The following CNTN4 variants were observed in gnomAD, a reference collection of about 807,000 sequenced individuals.
The protein encoded by CNTN4 is contactin-4.
Under a neutral mutation model 122.5 loss-of-function variants are expected in CNTN4, and 77 were observed. The observed-to-expected ratio is 0.63, with a 90% confidence interval of 0.52 to 0.76. The LOEUF is 0.76. CNTN4 is among the 30% of genes least tolerant of loss of function. The probability of loss-of-function intolerance (pLI) is 0.00; values close to 1 mark genes in which losing one functional copy is unlikely to be tolerated. For missense variants in CNTN4, 1,256 were observed against 1,259.1 expected, an observed-to-expected ratio of 1.00 and a Z score of 0.04; for synonymous variants, 512 against 447.0, an observed-to-expected ratio of 1.15 and a Z score of -1.83.
intron 3 of CNTN4, among the ~76,000 whole-genome samples, chr3:2,507,665 G>A (rs1221499248): frequency 3.3e-5 from 5 of 151,178 alleles, no homozygotes; most frequent in Admixed American, 3.3e-4. Flanking sequence ...AACCCAGGAG[G>A]CGGAGGTTGC....
intron 3 of CNTN4, among the ~76,000 whole-genome samples, chr3:2,440,778 GTACATATATATTCA>G (rs1278189752): frequency 1.4e-5 from 2 of 147,648 alleles, no homozygotes; most frequent in East Asian, 2.0e-4. Flanking sequence ...ACACATATTT[GTACATATATATTCA>G]TACATATATA....
chr3:2,550,896 A>G (rs1172229309), intron 3 of CNTN4, among the ~76,000 whole-genome samples: 1 of 152,124 alleles, frequency 6.6e-6, no homozygotes, highest in Non-Finnish European at 1.5e-5. Flanking sequence ...TGGGAGTTGA[A>G]CAATGAGAAC....
chr3:2,727,022 C>CTA (rs2088278080), intron 4 of CNTN4, among the ~76,000 whole-genome samples: 1 of 152,128 alleles, frequency 6.6e-6, no homozygotes, highest in Non-Finnish European at 1.5e-5. Flanking sequence ...ATGAAGTTAG[C>CTA]TATAACTATT....
intron 4 of CNTN4, among the ~76,000 whole-genome samples, chr3:2,610,600 G>A (rs924097670): frequency 6.6e-6 from 1 of 152,164 alleles, no homozygotes; most frequent in Admixed American, 6.5e-5. Flanking sequence ...CATTATGGGG[G>A]TGGGTTAATG....
At chr3:2,806,508 T>TCGC (rs1259178620) in intron 6 of CNTN4, among the ~76,000 whole-genome samples, 1 of 152,224 alleles carries the variant, frequency 6.6e-6, no homozygotes, top group African/African-American at 2.4e-5. Flanking sequence ...TAACTATCCA[T>TCGC]CGCTGACACA....
intron 6 of CNTN4, among the ~76,000 whole-genome samples, chr3:2,804,199 A>C (rs1392496143): frequency 2.0e-5 from 3 of 152,134 alleles, no homozygotes; most frequent in Non-Finnish European, 4.4e-5. Flanking sequence ...CATTACTGGC[A>C]ATGCTTCATT....
intron 6 of CNTN4, among the ~76,000 whole-genome samples, chr3:2,783,253 A>C (rs1410410823): frequency 6.6e-6 from 1 of 152,022 alleles, no homozygotes; most frequent in Non-Finnish European, 1.5e-5. Flanking sequence ...ATGTCACTGC[A>C]CTCCAGCCTG....
intron 2 of CNTN4, among the ~76,000 whole-genome samples, chr3:2,181,828 C>T (rs145354892): frequency 3.4e-4 from 51 of 152,168 alleles, no homozygotes; most frequent in African/African-American, 1.2e-3. Context: ...GAGAAAATGG[C>T]AGTTGCACGA....
intron 2 of CNTN4, among the ~76,000 whole-genome samples, chr3:2,152,371 A>G (rs983771206): frequency 6.6e-6 from 1 of 152,130 alleles, no homozygotes; most frequent in Admixed American, 6.5e-5. Flanking sequence ...CTTCCGTTTG[A>G]TTGAAACGAG....
intron 3 of CNTN4, among the ~76,000 whole-genome samples, chr3:2,368,206 G>C (rs1559492182): frequency 6.9e-6 from 1 of 145,482 alleles, no homozygotes; most frequent in Non-Finnish European, 1.5e-5. Flanking sequence ...TAATTTTTTT[G>C]TATTTTTAAT....
chr3:2,591,646 G>GT (rs2080497567), intron 4 of CNTN4, among the ~76,000 whole-genome samples: 1 of 51,658 alleles, frequency 1.9e-5, no homozygotes, highest in African/African-American at 6.5e-5. Context: ...TTACAGGCGT[G>GT]AGCCACCGCG....
intron 3 of CNTN4, among the ~76,000 whole-genome samples, chr3:2,399,827 A>C (rs2046775155): frequency 6.6e-6 from 1 of 152,098 alleles, no homozygotes; most frequent in African/African-American, 2.4e-5. Flanking sequence ...ATTTATATCA[A>C]TGAAGAGTGA....
intron 17 of CNTN4, among the ~76,000 whole-genome samples, chr3:3,035,593 G>A (rs1699532374): frequency 6.6e-6 from 1 of 152,120 alleles, no homozygotes; most frequent in Admixed American, 6.5e-5. Flanking sequence ...GTCTCACTCT[G>A]TCACCCAGGC....
intron 6 of CNTN4, among the ~76,000 whole-genome samples, chr3:2,803,517 C>T (rs957343657): frequency 2.0e-5 from 3 of 150,832 alleles, no homozygotes; most frequent in African/African-American, 7.3e-5. Context: ...TATTGATGGA[C>T]AGTGGAAAGA....
intron 3 of CNTN4, among the ~76,000 whole-genome samples, chr3:2,569,339 G>A (rs894103433): frequency 6.6e-6 from 1 of 152,150 alleles, no homozygotes; most frequent in Non-Finnish European, 1.5e-5. Context: ...AGTAGCTTGT[G>A]TTGGCCCATG....
chr3:2,834,898 CTTTTTTTTT>C lies in CNTN4; in HGVS notation c.454+15333_454+15341del, dbSNP rs71058653. Among the ~76,000 whole-genome samples the C allele has an allele frequency of 3.0e-4, 18 of 60,460 alleles. No homozygotes were observed. In the South Asian group the frequency reaches 6.8e-3, roughly 23 times the overall value. 39.7% of individuals were successfully genotyped at this position (60,460 alleles called of 152,430 possible). On this transcript the variant is annotated intron_variant, in intron 7 of 24. Coordinates refer to ENST00000418658, the MANE Select transcript of CNTN4 (RefSeq NM_175607.3). ...AAGCATTAAATTAGATAAAGGCAAC[CTTTTTTTTT>C]TTTTTTTTTTTTTTTGAGACTGAGT...
chr3:2,488,632 T>C (rs1463839849), intron 3 of CNTN4, among the ~76,000 whole-genome samples: 2 of 152,218 alleles, frequency 1.3e-5, no homozygotes, highest in Non-Finnish European at 2.9e-5. Flanking sequence ...TCTCAATGTT[T>C]AATATTAAAT....
intron 4 of CNTN4, among the ~76,000 whole-genome samples, chr3:2,689,599 G>C (rs528472767): frequency 6.6e-6 from 1 of 152,270 alleles, no homozygotes; most frequent in East Asian, 1.9e-4. Flanking sequence ...GGCAGAGAGG[G>C]AAGGAGGGAA....
intron 12 of CNTN4, among the ~76,000 whole-genome samples, chr3:2,922,608 AT>A (rs547782541): frequency 0.02 from 2,177 of 109,924 alleles, 20 homozygotes; most frequent in African/African-American, 0.063. Flanking sequence ...AAAGAACTTG[AT>A]TTTTTTTTTT....
Sources: gnomAD v4.1 joint callset for allele counts (sites outside exome capture counted in the v4.1 genomes callset) on GRCh38, gnomAD v4.1.1 for gene constraint, MANE v1.5 for transcripts, NCBI Gene and HGNC (gene_info 2026-07-23, HGNC 2026-07-21) for gene names.